The following SGK2 variants were observed in gnomAD, a reference collection of about 807,000 sequenced individuals.
SGK2 encodes serum/glucocorticoid regulated kinase 2.
SGK2 carries 36 observed loss-of-function variants against 47.5 expected under a neutral mutation model. The ratio of observed to expected loss-of-function variants is 0.76; its 90% CI spans 0.58 to 1.00. SGK2 has a LOEUF of 1.00. SGK2 is among the 50% of genes least tolerant of loss of function. SGK2 has a pLI of 0.00. For synonymous variants in SGK2, 157 were observed against 181.9 expected (o/e 0.86, Z 1.10); for missense variants, 404 against 467.4 (o/e 0.86, Z 1.25).
At chr20:43,565,333 G>T (rs1380801042) in intron 1 of SGK2, 2 of 152,424 alleles carry the variant, frequency 1.3e-5, no homozygotes, top group Non-Finnish European at 2.9e-5. Flanking sequence ...GGCCACTGGG[G>T]TCAGCCCAGG....
intron 11 of SGK2, among the ~76,000 whole-genome samples, chr20:43,577,347 C>CA (rs1330695690): frequency 2.5e-5 from 3 of 122,118 alleles, no homozygotes; most frequent in African/African-American, 9.5e-5. Context: ...ACTGCATCTG[C>CA]TTTTTTTTTT....
intron 11 of SGK2, among the ~76,000 whole-genome samples, chr20:43,576,651 G>T (rs1424691545): frequency 6.6e-6 from 1 of 152,322 alleles, no homozygotes; most frequent in African/African-American, 2.4e-5. Context: ...TATTAAGTTT[G>T]GGGTGGGGGC....
In SGK2 at chr20:43,571,138, C is replaced by CTG. The variant is rs1980103063; in HGVS notation, c.510+82_510+83dup. On this transcript the variant is annotated intron_variant, in intron 8 of 12. Coordinates refer to ENST00000373100, the MANE Select transcript of SGK2 (RefSeq NM_170693.3). Reference sequence around the variant, plus strand: ...ACAGGTACACTATCTGACCATGAGTCTGTGTACATGGGTGTGCATGCATTG... The same window carrying CTG: ...ACAGGTACACTATCTGACCATGAGTCTGTGTGTACATGGGTGTGCATGCATTG... The CTG allele has an allele frequency of 1.3e-5, 20 of 1,594,458 alleles. No individual in the cohort carries two copies. In the South Asian group the frequency reaches 2.0e-4, roughly 16 times the overall value.
intron 12 of SGK2, among the ~76,000 whole-genome samples, 192 bp from the exon 13 acceptor site, chr20:43,584,660 G>A (rs568259258): frequency 6.6e-6 from 1 of 152,196 alleles, no homozygotes. Flanking sequence ...GACGATTGGT[G>A]TGGAGGCAGA....
intron 1 of SGK2, 37 bp from the exon 2 acceptor site, chr20:43,566,436 C>G: frequency 6.2e-7 from 1 of 1,614,154 alleles, no homozygotes; most frequent in South Asian, 1.1e-5. Context: ...CCCCCCAACA[C>G]CAACTCTCTC....
chr20:43,566,183 G>A, intron 1 of SGK2: 1 of 678,062 alleles, frequency 1.5e-6, no homozygotes, highest in East Asian at 2.6e-5. Context: ...CAGGGGTCTT[G>A]TTGCCCTGGG....
intron 1 of SGK2, 157 bp from the exon 2 acceptor site, chr20:43,566,316 A>T (rs933829204): frequency 7.5e-6 from 12 of 1,608,984 alleles, no homozygotes; most frequent in Non-Finnish European, 9.3e-6. Flanking sequence ...TGTTCCATCC[A>T]TGCAGGGGTT....
chr20:43,585,102 C>A lies in SGK2; in HGVS notation c.*86C>A. The A allele has an allele frequency of 7.8e-7, 1 of 1,279,300 alleles. No individual in the cohort carries two copies. Among genetic ancestry groups the A allele is most frequent in the Non-Finnish European group, 1.1e-6 (1 of 918,354 alleles). 79.2% of individuals were successfully genotyped at this position (1,279,300 alleles called of 1,614,324 possible). On this transcript the variant is annotated 3_prime_UTR_variant, in exon 13 of 13. Transcript: ENST00000373100. ...TGCTAGGAAGAGCGACTCAAACTAA[C>A]AATGGCTTCAACGAGAAGCAGGTTT...
intron 1 of SGK2, 149 bp from the exon 2 acceptor site, chr20:43,566,324 G>T: frequency 6.2e-7 from 1 of 1,610,924 alleles, no homozygotes; most frequent in Admixed American, 1.7e-5. Context: ...CCATGCAGGG[G>T]TTGCTTACCT....
In SGK2 at chr20:43,580,068, G is replaced by C; in HGVS notation, c.939+7G>C. ...ACCCTTCAACCCAAATGTGGTAAGA[G>C]GTCACAGCATTCTAGACTCTGGATT... On this transcript the variant is annotated splice_region_variant and intron_variant, in intron 12 of 12. Coordinates refer to ENST00000373100, the MANE Select transcript of SGK2 (RefSeq NM_170693.3). 6.4e-7 allele frequency: 1 copy of C among 1,573,400 alleles called. No homozygotes were observed. The highest frequency in any genetic ancestry group is 8.7e-7 in the Non-Finnish European group (1 of 1,154,514).
At chr20:43,580,380 C>A (rs1357465177) in intron 12 of SGK2, among the ~76,000 whole-genome samples, 1 of 152,166 alleles carries the variant, frequency 6.6e-6, no homozygotes, top group Non-Finnish European at 1.5e-5. Flanking sequence ...TTATCCTTTT[C>A]TATTTATAGA....
intron 10 of SGK2, among the ~76,000 whole-genome samples, chr20:43,575,331 C>T (rs994116749): frequency 1.3e-5 from 2 of 151,624 alleles, no homozygotes; most frequent in Non-Finnish European, 2.9e-5. Context: ...GGCGTGGTGG[C>T]GGGCACCTGT....
intron 6 of SGK2, 104 bp downstream of exon 6, chr20:43,569,620 C>A: frequency 1.5e-6 from 2 of 1,363,736 alleles, no homozygotes; most frequent in Admixed American, 2.0e-5. Context: ...CTCACTTCAT[C>A]TTACAATAGA....
Position 43,585,034 on chromosome 20 carries a change from A to C in SGK2, c.*18A>C, listed in dbSNP as rs2145564506. The C allele has an allele frequency of 6.2e-7, 1 of 1,608,666 alleles. No homozygotes were observed. The highest frequency in any genetic ancestry group is 8.5e-7 in the Non-Finnish European group (1 of 1,176,200). ...ATTGCTAGAAGAGAAGGACCTGTGA[A>C]ACTACTGAGGCCAGCTGGTATTAGT... On this transcript the variant is annotated 3_prime_UTR_variant, in exon 13 of 13. Coordinates refer to ENST00000373100, the MANE Select transcript of SGK2 (RefSeq NM_170693.3).
intron 5 of SGK2, 127 bp from the exon 6 acceptor site, chr20:43,569,258 G>A: frequency 1.6e-6 from 2 of 1,230,008 alleles, no homozygotes; most frequent in Non-Finnish European, 2.3e-6. Flanking sequence ...CATTGTGGGT[G>A]TTTGAGCAGG....
rs1979841404 is a variant in SGK2, at chr20:43,567,956, C to T, written c.185C>T (p.Ala62Val). 5 of 1,614,118 alleles carry T rather than the reference C, an allele frequency of 3.1e-6. No individual in the cohort carries two copies. Among genetic ancestry groups the T allele is most frequent in the Non-Finnish European group, 4.2e-6 (5 of 1,179,990 alleles). The part of the protein sequence containing the change: ...AKRKSDGAFY[A>V]VKVLQKKSIL... Reference sequence around the variant, plus strand: ...CGCAAGTCTGATGGGGCGTTCTATGCAGTGAAGGTACTACAGAAAAAGTCC... The same window carrying T: ...CGCAAGTCTGATGGGGCGTTCTATGTAGTGAAGGTACTACAGAAAAAGTCC... Residue 62 changes from alanine to valine, a missense_variant, in exon 5 of 13, where the codon GCA (alanine) becomes GTA (valine). Ala to Val is a moderately conservative substitution (Grantham distance 64, BLOSUM62 0). Transcript: ENST00000373100.
chr20:43,578,883 GT>G (rs1393428296), intron 11 of SGK2, among the ~76,000 whole-genome samples: 1 of 152,046 alleles, frequency 6.6e-6, no homozygotes, highest in Non-Finnish European at 1.5e-5. Context: ...CTTAAAATAA[GT>G]TATACATTCA....
chr20:43,563,135 C>CAAAAAAAAA (rs796539305), intron 1 of SGK2, among the ~76,000 whole-genome samples: 31 of 70,614 alleles, frequency 4.4e-4, no homozygotes, highest in Admixed American at 1.0e-3. Context: ...GACTCTGTCT[C>CAAAAAAAAA]AAAAAAAAAA....
intron 1 of SGK2, chr20:43,565,941 C>T (rs1026811025): frequency 8.0e-5 from 14 of 175,614 alleles, no homozygotes; most frequent in East Asian, 3.1e-4. Flanking sequence ...GCAAGGAGAT[C>T]GTAGCACAGA....
Sources: allele counts gnomAD v4.1 joint callset (sites outside exome capture counted in the v4.1 genomes callset), GRCh38; gene constraint gnomAD v4.1.1; transcripts MANE v1.5; gene names NCBI Gene and HGNC (gene_info 2026-07-23, HGNC 2026-07-21).